AGBL3: variants seen among roughly 807,000 people sequenced by gnomAD.
AGBL3 encodes the protein cytosolic carboxypeptidase 3.
AGBL3 carries 68 observed loss-of-function variants against 94.5 expected under a neutral mutation model. That is an observed-to-expected ratio of 0.72 (90% confidence interval 0.59 to 0.88). The LOEUF is 0.88. AGBL3 is among the 40% of genes least tolerant of loss of function. AGBL3 has a pLI of 0.00. For synonymous variants in AGBL3, 354 were observed against 370.7 expected, an observed-to-expected ratio of 0.95 and a Z score of 0.52; for missense variants, 934 against 1,103.8, an observed-to-expected ratio of 0.85 and a Z score of 2.18.
intron 4 of AGBL3, among the ~76,000 whole-genome samples, chr7:134,994,801 A>G (rs1289444080): frequency 1.3e-5 from 2 of 152,226 alleles, no homozygotes; most frequent in African/African-American, 4.8e-5. Flanking sequence ...CAAGAATTCC[A>G]AAGTTATAGG....
At chr7:135,038,967 A>T (rs1816576415) in intron 8 of AGBL3, among the ~76,000 whole-genome samples, 1 of 152,204 alleles carries the variant, frequency 6.6e-6, no homozygotes, top group African/African-American at 2.4e-5. Context: ...TCAAAAAAAA[A>T]AAAAAACTTT....
At chr7:135,005,280 G>T (rs73151999) in intron 4 of AGBL3, among the ~76,000 whole-genome samples, 18,014 of 151,638 alleles carry the variant, frequency 0.12, 1,193 homozygotes, top group East Asian at 0.19. Context: ...AACTCTAATT[G>T]TATCAATGAA....
chr7:135,097,899 T>A (rs1349350769), intron 15 of AGBL3, among the ~76,000 whole-genome samples: 1 of 152,158 alleles, frequency 6.6e-6, no homozygotes, highest in Non-Finnish European at 1.5e-5. Flanking sequence ...ACTAAAATTA[T>A]AATTTATTTG....
At chr7:135,100,352 A>AT (rs1823641916) in intron 15 of AGBL3, among the ~76,000 whole-genome samples, 1 of 152,206 alleles carries the variant, frequency 6.6e-6, no homozygotes, top group South Asian at 2.1e-4. Context: ...GGGAAGTCAA[A>AT]TATAACAGAC....
At chr7:134,987,850 A>C in intron 1 of AGBL3, 25 bp from the exon 2 acceptor site, 1 of 990,782 alleles carries the variant, frequency 1.0e-6, no homozygotes, top group Non-Finnish European at 1.5e-6. Flanking sequence ...GCTTGAAAAG[A>C]AAAGCTGTCA....
intron 4 of AGBL3, among the ~76,000 whole-genome samples, chr7:135,012,740 AG>A (rs1401903759): frequency 6.6e-6 from 1 of 152,090 alleles, no homozygotes; most frequent in Non-Finnish European, 1.5e-5. Flanking sequence ...GCATACATGT[AG>A]AAAAAAAAAT....
intron 5 of AGBL3, among the ~76,000 whole-genome samples, chr7:135,024,525 GAACACCAGCCTT>G (rs1240203673): frequency 6.6e-6 from 1 of 152,130 alleles, no homozygotes; most frequent in Non-Finnish European, 1.5e-5. Flanking sequence ...ACAATTAAAA[GAACACCAGCCTT>G]CTCAGATGAG....
At chr7:135,130,727 T>A (rs947046410) in intron 16 of AGBL3, among the ~76,000 whole-genome samples, 5 of 152,188 alleles carry the variant, frequency 3.3e-5, no homozygotes, top group African/African-American at 9.6e-5. Context: ...CCACTGTAGT[T>A]CCAGTCCTAA....
intron 5 of AGBL3, among the ~76,000 whole-genome samples, chr7:135,019,042 C>G (rs1814126620): frequency 6.6e-6 from 1 of 152,182 alleles, no homozygotes; most frequent in African/African-American, 2.4e-5. Context: ...ATTTCTGTCA[C>G]CATAGATTAG....
intron 15 of AGBL3, among the ~76,000 whole-genome samples, chr7:135,114,430 A>G (rs571655565): frequency 6.6e-6 from 1 of 152,274 alleles, no homozygotes; most frequent in African/African-American, 2.4e-5. Flanking sequence ...TTAAAATGTT[A>G]TTATATTCCA....
chr7:135,024,871 C>A lies in AGBL3; in HGVS notation c.418+7712C>A, dbSNP rs77112075. Among the ~76,000 whole-genome samples the A allele has an allele frequency of 3.1e-3, 458 of 148,500 alleles. 3 individuals carry two copies. The highest frequency in any genetic ancestry group is 7.9e-3 in the African/African-American group (325 of 41,354). On this transcript the variant is annotated intron_variant, in intron 5 of 16. Coordinates refer to ENST00000436302, the MANE Select transcript of AGBL3 (RefSeq NM_178563.4). The stretch of plus-strand genomic sequence containing the variant: ...TTAGAATCATTAACAGCAGACTAGA[C>A]CAAGCTGAAGAAAACCCTCAGAGCT...
At chr7:135,129,280 C>A in intron 16 of AGBL3, 1 of 1,513,748 alleles carries the variant, frequency 6.6e-7, no homozygotes, top group Non-Finnish European at 9.2e-7. Context: ...GCCTTCTGTA[C>A]CTTGTGCAGG....
intron 16 of AGBL3, among the ~76,000 whole-genome samples, chr7:135,118,965 A>G (rs1382465684): frequency 6.6e-6 from 1 of 152,152 alleles, no homozygotes; most frequent in Non-Finnish European, 1.5e-5. Flanking sequence ...AAATTACCCA[A>G]CTGAACATAA....
intron 16 of AGBL3, among the ~76,000 whole-genome samples, chr7:135,130,618 A>G (rs1181232422): frequency 6.6e-6 from 1 of 151,880 alleles, no homozygotes; most frequent in East Asian, 1.9e-4. Flanking sequence ...TTAATATAAT[A>G]TAATCATATT....
At chr7:135,129,405 G>A in intron 16 of AGBL3, 4 of 809,666 alleles carry the variant, frequency 4.9e-6, no homozygotes, top group Non-Finnish European at 8.9e-6. Flanking sequence ...ACAAAGGTAT[G>A]ATAAGAGGGT....
chr7:135,099,281 T>C (rs1038482083), intron 15 of AGBL3, among the ~76,000 whole-genome samples: 6 of 152,142 alleles, frequency 3.9e-5, no homozygotes, highest in African/African-American at 1.4e-4. Context: ...TAACATTTAT[T>C]AGATAGATTA....
At position 134,993,522 on chromosome 7, in the gene AGBL3, C is replaced by T. The variant is rs186048202; in HGVS notation, c.154C>T (p.Arg52Trp). 2.4e-3 allele frequency: 3,736 copies of T among 1,548,150 alleles called. 141 individuals are homozygous for T. The Admixed American group carries it at 0.068, about 28-fold the overall frequency. The change falls in exon 4 of 17, where the codon CGG (arginine) becomes TGG (tryptophan). Residue 52 changes from arginine (R) to tryptophan (W), a missense_variant. This residue lies in a region of AGBL3 where 488 missense variants were observed against 563.6 expected (regional missense o/e 0.87). Coordinates refer to ENST00000436302, the MANE Select transcript of AGBL3 (RefSeq NM_178563.4). ...ADSFGDPFFPRTTQILLEYQL... is the reference protein window; with the variant it reads ...ADSFGDPFFPWTTQILLEYQL... ...CTCTTTTGGTGATCCCTTCTTCCCC[C>T]GGACTACACAGATACTATTAGAATA...
intron 4 of AGBL3, among the ~76,000 whole-genome samples, chr7:134,999,017 C>A (rs1563167932): frequency 6.6e-6 from 1 of 152,030 alleles, no homozygotes; most frequent in Non-Finnish European, 1.5e-5. Flanking sequence ...CCTTTATCAC[C>A]CCCTATTTTA....
intron 15 of AGBL3, among the ~76,000 whole-genome samples, chr7:135,091,309 G>T (rs1821821281): frequency 6.6e-6 from 1 of 152,096 alleles, no homozygotes; most frequent in African/African-American, 2.4e-5. Flanking sequence ...CTCAGTATAT[G>T]TGGGGGATTT....
Sources: allele counts gnomAD v4.1 joint callset (sites outside exome capture counted in the v4.1 genomes callset), GRCh38; gene constraint gnomAD v4.1.1; regional missense constraint gnomAD v4.1.1; transcripts MANE v1.5; gene names NCBI Gene and HGNC (gene_info 2026-07-23, HGNC 2026-07-21).